The following TERB1 variants were observed in gnomAD, a reference collection of about 807,000 sequenced individuals.
TERB1 encodes telomere repeats-binding bouquet formation protein 1.
A neutral mutation model predicts 92.3 loss-of-function variants in TERB1; 63 were observed. That is an observed-to-expected ratio of 0.68 (90% CI 0.56 to 0.84). TERB1 has a LOEUF of 0.84. Among genes scored for constraint, TERB1 ranks in the 40% least tolerant of loss-of-function variants. TERB1 has a pLI of 0.00. For synonymous variants in TERB1, 252 were observed against 283.9 expected (o/e 0.89, Z 1.13); for missense variants, 709 against 843.7 (o/e 0.84, Z 1.98).
At chr16:66,799,861 T>C (rs1333985305) in intron 2 of TERB1, among the ~76,000 whole-genome samples, 1 of 152,208 alleles carries the variant, frequency 6.6e-6, no homozygotes, top group Non-Finnish European at 1.5e-5. Flanking sequence ...AGTGAATATA[T>C]GTACTGCCAC....
At chr16:66,781,127 C>T (rs2018628486) in intron 9 of TERB1, among the ~76,000 whole-genome samples, 1 of 152,186 alleles carries the variant, frequency 6.6e-6, no homozygotes, top group Non-Finnish European at 1.5e-5. Flanking sequence ...TCGTGGCTTA[C>T]TGTAAGCTTG....
chr16:66,792,244 G>A (rs570108235), intron 3 of TERB1, among the ~76,000 whole-genome samples: 7 of 152,058 alleles, frequency 4.6e-5, no homozygotes, highest in African/African-American at 7.2e-5. Context: ...AAAATATTCC[G>A]CAAATTTGGA....
At chr16:66,769,582 A>G (rs2018408787) in intron 14 of TERB1, among the ~76,000 whole-genome samples, 1 of 152,224 alleles carries the variant, frequency 6.6e-6, no homozygotes, top group East Asian at 1.9e-4. Context: ...TTAAATTTAA[A>G]AACAGTTTTT....
chr16:66,788,703 T>C (rs1489087427), intron 5 of TERB1, among the ~76,000 whole-genome samples: 2 of 152,058 alleles, frequency 1.3e-5, no homozygotes. Context: ...ATTTGTGCTA[T>C]GTTCTGAGAC....
Position 66,788,150 on chromosome 16 carries a change from C to T in TERB1, c.400+19G>A, listed in dbSNP as rs1428279855. On this transcript the variant is annotated intron_variant, in intron 6 of 18. Coordinates refer to ENST00000433154, the MANE Select transcript of TERB1 (RefSeq NM_001136505.2). Reference sequence around the variant, plus strand: ...ATTGATTAAAGTGTTTTCAAATAGTCATAAGAGAATGTACTTACTATTATT... The same window carrying T: ...ATTGATTAAAGTGTTTTCAAATAGTTATAAGAGAATGTACTTACTATTATT... 10 of 1,402,816 alleles carry T rather than the reference C, an allele frequency of 7.1e-6. No homozygotes were observed. The highest frequency in any genetic ancestry group is 9.5e-6 in the Non-Finnish European group (10 of 1,055,804). The allele number at this position is 1,402,816 out of a possible 1,614,324, so 86.9% of individuals were successfully genotyped here.
At chr16:66,755,591 G>A (rs950095984) in intron 18 of TERB1, among the ~76,000 whole-genome samples, 8 of 152,034 alleles carry the variant, frequency 5.3e-5, no homozygotes, top group South Asian at 4.2e-4. Flanking sequence ...CCTGGTCAAC[G>A]TGGCAATAAT....
chr16:66,797,341 T>C (rs1959202469), intron 2 of TERB1, among the ~76,000 whole-genome samples: 1 of 151,236 alleles, frequency 6.6e-6, no homozygotes, highest in South Asian at 2.1e-4. Flanking sequence ...GATAAGGTGA[T>C]CCTCCCACCT....
intron 3 of TERB1, 107 bp from the exon 4 acceptor site, chr16:66,791,126 A>C (rs2018827304): frequency 1.9e-6 from 1 of 539,676 alleles, no homozygotes; most frequent in South Asian, 3.4e-5. Flanking sequence ...CAACTTTTAA[A>C]GTAATAGGCA....
intron 16 of TERB1, among the ~76,000 whole-genome samples, chr16:66,764,981 G>C (rs1199424955): frequency 6.6e-6 from 1 of 152,222 alleles, no homozygotes; most frequent in Non-Finnish European, 1.5e-5. Flanking sequence ...TCAATAAAAT[G>C]ATAGATGATG....
intron 12 of TERB1, among the ~76,000 whole-genome samples, chr16:66,773,529 G>C (rs977484519): frequency 6.6e-6 from 1 of 151,994 alleles, no homozygotes; most frequent in African/African-American, 2.4e-5. Flanking sequence ...CTATCACAGG[G>C]CCTTTGTGCC....
At chr16:66,784,551 C>T (rs1280826255) in intron 9 of TERB1, among the ~76,000 whole-genome samples, 1 of 151,892 alleles carries the variant, frequency 6.6e-6, no homozygotes, top group African/African-American at 2.4e-5. Flanking sequence ...CCAGGCTGGT[C>T]TGGAACTCCT....
rs1462730797 is a variant in TERB1, at chr16:66,777,322, A to G, written c.866T>C (p.Ile289Thr). 4 of 1,541,902 alleles carry G rather than the reference A, an allele frequency of 2.6e-6. No homozygotes were observed. The African/African-American group carries it at 4.1e-5, about 16-fold the overall frequency. ...ACIADNPTFGIVLSKYHIVSK... is the reference protein window; with the variant it reads ...ACIADNPTFGTVLSKYHIVSK... Reference sequence around the variant, plus strand: ...AACAATGTGGTACTTGGAGAGTACTATCCCAAAAGTAGCTATTAGTATAAA... The same window carrying G: ...AACAATGTGGTACTTGGAGAGTACTGTCCCAAAAGTAGCTATTAGTATAAA... The change falls in exon 11 of 19, where the codon ATA becomes ACA. Residue 289 changes from isoleucine (I) to threonine (T), a missense_variant. Transcript: ENST00000433154.
In TERB1 at chr16:66,786,014, C is replaced by T. The variant is rs2018723632; in HGVS notation, c.577G>A (p.Asp193Asn). ...LCVCVNNPQN[D>N]ENQMFCCSLF... Reference sequence around the variant, plus strand: ...ATATTTAAACATGACAGATAATTACCATTTTGAGGATTGTTGACACAGACA... The same window carrying T: ...ATATTTAAACATGACAGATAATTACTATTTTGAGGATTGTTGACACAGACA... The change falls in exon 8 of 19, where the codon GAT (aspartate) becomes AAT (asparagine). Residue 193 changes from aspartate to asparagine, a missense_variant and splice_region_variant. Transcript: ENST00000433154. 2 of 1,542,010 alleles carry T rather than the reference C, an allele frequency of 1.3e-6. No homozygotes were observed. The highest frequency in any genetic ancestry group is 2.4e-5 in the South Asian group (2 of 81,864).
intron 18 of TERB1, among the ~76,000 whole-genome samples, chr16:66,756,989 G>A (rs2018148559): frequency 6.6e-6 from 1 of 152,144 alleles, no homozygotes; most frequent in Non-Finnish European, 1.5e-5. Flanking sequence ...ATCTGTAAAT[G>A]CTTAGGACAG....
intron 9 of TERB1, among the ~76,000 whole-genome samples, chr16:66,783,718 T>TTTG (rs543203804): frequency 4.9e-4 from 74 of 152,070 alleles, no homozygotes; most frequent in East Asian, 3.9e-3. Context: ...TGTTTTGCGT[T>TTTG]TTGTTGTTGT....
chr16:66,778,756 A>G, intron 10 of TERB1, 107 bp downstream of exon 10: 2 of 908,504 alleles, frequency 2.2e-6, no homozygotes, highest in Non-Finnish European at 3.1e-6. Flanking sequence ...CACCTGTGAG[A>G]AACTTAGTCT....
At chr16:66,775,050 T>C (rs1453726177) in intron 12 of TERB1, 68 bp downstream of exon 12, 2 of 1,491,218 alleles carry the variant, frequency 1.3e-6, no homozygotes, top group African/African-American at 2.8e-5. Flanking sequence ...CCTTGGCTCA[T>C]GAAAGCAGAA....
In TERB1 at chr16:66,754,986, GC is replaced by G; in HGVS notation, c.2173del (p.Ala725GlnfsTer5). The G allele has an allele frequency of 6.5e-7, 1 of 1,548,936 alleles. No individual in the cohort carries two copies. The highest frequency in any genetic ancestry group is 8.7e-7 in the Non-Finnish European group (1 of 1,146,394). ...ACAGTCTTCTTTCAATCAAGAAGCT[GC>G]ACACGTGGGGTGTTTGGTCAGCTTG... Reference protein sequence around the residue: ...YHKLTKHPTCAAS With the variant: ...YHKLTKHPTCXAS On this transcript the variant is annotated frameshift_variant, in exon 19 of 19. Coordinates refer to ENST00000433154, the MANE Select transcript of TERB1 (RefSeq NM_001136505.2). LOFTEE classifies it high-confidence loss of function.
chr16:66,782,625 T>C (rs920605213), intron 9 of TERB1, among the ~76,000 whole-genome samples: 2 of 152,100 alleles, frequency 1.3e-5, no homozygotes, highest in Non-Finnish European at 2.9e-5. Flanking sequence ...TGTATAAGTA[T>C]TAAAATCAGG....
Sources: gnomAD v4.1 joint callset for allele counts (sites outside exome capture counted in the v4.1 genomes callset) on GRCh38, gnomAD v4.1.1 for gene constraint, MANE v1.5 for transcripts, NCBI Gene and HGNC (gene_info 2026-07-23, HGNC 2026-07-21) for gene names.